Variants in PXYLP1 observed in about 807,000 individuals in gnomAD.
PXYLP1 encodes the protein 2-phosphoxylose phosphatase 1.
A neutral mutation model predicts 37.9 loss-of-function variants in PXYLP1; 17 were observed. The ratio of observed to expected loss-of-function variants is 0.45; its 90% CI spans 0.31 to 0.67. PXYLP1 has a LOEUF of 0.67. Among genes scored for constraint, PXYLP1 ranks in the 30% least tolerant of loss-of-function variants. The pLI is 0.07. For synonymous variants in PXYLP1, 221 were observed against 232.2 expected (o/e 0.95, Z 0.44); for missense variants, 511 against 612.0 (o/e 0.84, Z 1.74).
In PXYLP1 at chr3:141,293,333, A is replaced by T; in HGVS notation, c.*128A>T. ...TTAAAGGCTAAATATTGTTTGTGGG[A>T]ACCACAGATGGTTGGGGTTGAACAG... On this transcript the variant is annotated 3_prime_UTR_variant, in exon 6 of 6. Transcript: ENST00000286353. 4 of 997,022 alleles carry T rather than the reference A, an allele frequency of 4.0e-6. No individual in the cohort carries two copies. The highest frequency in any genetic ancestry group is 4.3e-6 in the Non-Finnish European group (3 of 697,518). 61.8% of individuals were successfully genotyped at this position (997,022 alleles called of 1,614,324 possible).
At chr3:141,279,746 C>T (rs1422597798) in intron 4 of PXYLP1, among the ~76,000 whole-genome samples, 1 of 152,216 alleles carries the variant, frequency 6.6e-6, no homozygotes. Flanking sequence ...CCCTCCCACC[C>T]TGATGTTTTT....
chr3:141,268,450 G>A (rs545715455), intron 2 of PXYLP1, among the ~76,000 whole-genome samples: 6 of 152,100 alleles, frequency 3.9e-5, no homozygotes, highest in East Asian at 1.9e-4. Flanking sequence ...CAGAGTGTGC[G>A]CCTGCTGAGC....
chr3:141,276,845 G>A (rs1320722503), intron 2 of PXYLP1, among the ~76,000 whole-genome samples: 1 of 152,148 alleles, frequency 6.6e-6, no homozygotes, highest in Admixed American at 6.5e-5. Flanking sequence ...TTTCCAGTTT[G>A]ATGAGGAAAA....
chr3:141,293,216 G>T lies in PXYLP1; in HGVS notation c.*11G>T, dbSNP rs770822401. On this transcript the variant is annotated 3_prime_UTR_variant, in exon 6 of 6. Coordinates refer to ENST00000286353, the MANE Select transcript of PXYLP1 (RefSeq NM_001037172.3). ...AGGGAAGGATTCTAAAAGGTATGCA[G>T]TACAGCAGTATAGAATCCATGCCAA... The T allele has an allele frequency of 1.9e-6, 3 of 1,606,152 alleles. No homozygotes were observed. The African/African-American group carries it at 4.0e-5, about 21-fold the overall frequency.
At chr3:141,276,347 A>T (rs192752186) in intron 2 of PXYLP1, among the ~76,000 whole-genome samples, 4 of 152,310 alleles carry the variant, frequency 2.6e-5, no homozygotes, top group Non-Finnish European at 4.4e-5. Flanking sequence ...AACCTTCTAG[A>T]CATTTTTTCT....
chr3:141,290,500 T>C (rs1355617760), intron 5 of PXYLP1, among the ~76,000 whole-genome samples: 1 of 152,190 alleles, frequency 6.6e-6, no homozygotes, highest in Non-Finnish European at 1.5e-5. Flanking sequence ...ATTATTAACT[T>C]GACCAGGGAG....
chr3:141,282,283 A>T (rs1352622553), intron 4 of PXYLP1, among the ~76,000 whole-genome samples: 2 of 152,156 alleles, frequency 1.3e-5, no homozygotes, highest in Non-Finnish European at 2.9e-5. Context: ...TGTCTCTAGA[A>T]GGCTCTTCCC....
chr3:141,261,856 G>A (rs578184967), intron 2 of PXYLP1: 1 of 152,350 alleles, frequency 6.6e-6, no homozygotes, highest in East Asian at 1.9e-4. Context: ...CTGTTGCTGT[G>A]TATTTGAAGC....
At chr3:141,237,264 C>CAAAA (rs2107864171) in intron 1 of PXYLP1, among the ~76,000 whole-genome samples, 1 of 152,198 alleles carries the variant, frequency 6.6e-6, no homozygotes, top group South Asian at 2.1e-4. Flanking sequence ...TTCTGCAAGT[C>CAAAA]AAACAAACAA....
intron 4 of PXYLP1, among the ~76,000 whole-genome samples, chr3:141,284,651 C>G (rs1942030617): frequency 6.6e-6 from 1 of 152,172 alleles, no homozygotes; most frequent in South Asian, 2.1e-4. Flanking sequence ...CTCCCATGTA[C>G]TTTACATCAT....
chr3:141,263,871 A>C (rs932057364), intron 2 of PXYLP1, among the ~76,000 whole-genome samples: 1 of 152,266 alleles, frequency 6.6e-6, no homozygotes, highest in Non-Finnish European at 1.5e-5. Flanking sequence ...CATAGCCAAC[A>C]TAAACCTTTT....
At chr3:141,246,815 AT>A (rs1468692086) in intron 1 of PXYLP1, among the ~76,000 whole-genome samples, 2 of 152,224 alleles carry the variant, frequency 1.3e-5, no homozygotes, top group African/African-American at 4.8e-5. Flanking sequence ...TTTTACACTT[AT>A]CCTCATAGTC....
Sources: gnomAD v4.1 joint callset for allele counts (sites outside exome capture counted in the v4.1 genomes callset) on GRCh38, gnomAD v4.1.1 for gene constraint, MANE v1.5 for transcripts, NCBI Gene and HGNC (gene_info 2026-07-23, HGNC 2026-07-21) for gene names.